Variants in TYR observed in about 807,000 individuals in gnomAD.
The protein encoded by TYR is LB24-AB.
In TYR, 58 loss-of-function variants were observed where a neutral mutation model predicts 51.5. The observed-to-expected ratio is 1.13, with a 90% CI of 0.91 to 1.40. The LOEUF is 1.40. TYR is among the 40% of genes most tolerant of loss of function. The pLI is 0.00. For missense variants in TYR, 732 were observed against 647.4 expected, an observed-to-expected ratio of 1.13 and a Z score of -1.42; for synonymous variants, 263 against 235.2, an observed-to-expected ratio of 1.12 and a Z score of -1.08.
Position 89,230,430 on chromosome 11 carries a change from G to T in TYR, c.1184+2460G>T, listed in dbSNP as rs140959774. Among the ~76,000 whole-genome samples, 1,470 of 152,188 alleles carry T rather than the reference G, an allele frequency of 9.7e-3. 27 individuals are homozygous for T. Among genetic ancestry groups the T allele is most frequent in the Non-Finnish European group, 0.013 (910 of 68,010 alleles). On this transcript the variant is annotated intron_variant, in intron 3 of 4. Coordinates refer to ENST00000263321, the MANE Select transcript of TYR (RefSeq NM_000372.5). ...GGGATTAGAAATTGTGAAACTGCTA[G>T]AAGAAAGCATATGGTAAAAGTTCCA...
At chr11:89,271,698 A>G (rs1944590416) in intron 3 of TYR, among the ~76,000 whole-genome samples, 1 of 151,888 alleles carries the variant, frequency 6.6e-6, no homozygotes, top group African/African-American at 2.4e-5. Flanking sequence ...TTCATGTAGC[A>G]TGTGATGCTG....
intron 2 of TYR, chr11:89,200,178 G>T (rs1943578351): frequency 6.6e-6 from 1 of 152,154 alleles, no homozygotes; most frequent in Admixed American, 6.6e-5. Context: ...CGGGTTCAAA[G>T]GATTCTCAAG....
chr11:89,231,326 G>GTCAC (rs1166964510), intron 3 of TYR, among the ~76,000 whole-genome samples: 16 of 105,878 alleles, frequency 1.5e-4, no homozygotes, highest in African/African-American at 4.8e-4. Flanking sequence ...GTATCGAAAG[G>GTCAC]GAAATATATC....
intron 3 of TYR, among the ~76,000 whole-genome samples, chr11:89,247,177 C>T (rs764557892): frequency 2.6e-5 from 4 of 152,192 alleles, no homozygotes; most frequent in Non-Finnish European, 5.9e-5. Flanking sequence ...TCTTATACCA[C>T]TCTGTGCTTG....
At chr11:89,238,302 T>C (rs145982277) in intron 3 of TYR, among the ~76,000 whole-genome samples, 2 of 152,320 alleles carry the variant, frequency 1.3e-5, no homozygotes, top group East Asian at 3.9e-4. Flanking sequence ...ACTAATGGTA[T>C]ATATTTAGTA....
intron 3 of TYR, among the ~76,000 whole-genome samples, chr11:89,281,978 A>G (rs1012985338): frequency 2.0e-5 from 3 of 151,818 alleles, no homozygotes; most frequent in African/African-American, 7.2e-5. Context: ...GTTAAACATT[A>G]ATATTCCCAT....
intron 3 of TYR, among the ~76,000 whole-genome samples, chr11:89,234,834 A>G (rs1272462405): frequency 6.6e-6 from 1 of 152,142 alleles, no homozygotes; most frequent in Non-Finnish European, 1.5e-5. Flanking sequence ...TACAATAATA[A>G]TTTAAAACTT....
intron 3 of TYR, among the ~76,000 whole-genome samples, chr11:89,228,495 A>G (rs1290055530): frequency 6.6e-6 from 1 of 152,204 alleles, no homozygotes; most frequent in East Asian, 1.9e-4. Flanking sequence ...GGATGGACAC[A>G]CAGAACTGCT....
intron 2 of TYR, among the ~76,000 whole-genome samples, chr11:89,207,754 A>G (rs1395442582): frequency 6.6e-6 from 1 of 152,192 alleles, no homozygotes; most frequent in Non-Finnish European, 1.5e-5. Flanking sequence ...AATTTTATGC[A>G]TTGAAACAAA....
chr11:89,265,991 C>A (rs1354140655), intron 3 of TYR, among the ~76,000 whole-genome samples: 2 of 151,976 alleles, frequency 1.3e-5, no homozygotes, highest in Non-Finnish European at 2.9e-5. Flanking sequence ...TATCTAACTA[C>A]TATTTTGGGG....
At chr11:89,267,239 C>T (rs1365610967) in intron 3 of TYR, among the ~76,000 whole-genome samples, 1 of 151,944 alleles carries the variant, frequency 6.6e-6, no homozygotes, top group Non-Finnish European at 1.5e-5. Flanking sequence ...TGTGCCTGTA[C>T]TACATATGCT....
chr11:89,209,004 A>C (rs899450450), intron 2 of TYR, among the ~76,000 whole-genome samples: 1 of 152,180 alleles, frequency 6.6e-6, no homozygotes, highest in Non-Finnish European at 1.5e-5. Context: ...GCTCTGGTCT[A>C]CATCTCCCAG....
At chr11:89,270,437 T>G (rs1944575023) in intron 3 of TYR, among the ~76,000 whole-genome samples, 1 of 151,906 alleles carries the variant, frequency 6.6e-6, no homozygotes, top group Non-Finnish European at 1.5e-5. Flanking sequence ...TGTACTGTGC[T>G]GAATTATTGA....
At chr11:89,256,002 C>T (rs572016035) in intron 3 of TYR, among the ~76,000 whole-genome samples, 60 of 151,560 alleles carry the variant, frequency 4.0e-4, no homozygotes, top group African/African-American at 1.3e-3. Context: ...TACTTCTGTT[C>T]TCATCTTTGA....
intron 4 of TYR, among the ~76,000 whole-genome samples, 181 bp from the exon 5 acceptor site, chr11:89,294,962 A>T (rs538528635): frequency 2.0e-5 from 3 of 152,260 alleles, no homozygotes; most frequent in African/African-American, 7.2e-5. Context: ...CATTTTTCTG[A>T]TGAAGAAACT....
intron 3 of TYR, among the ~76,000 whole-genome samples, chr11:89,269,502 T>C (rs1944565197): frequency 1.3e-5 from 2 of 151,996 alleles, no homozygotes; most frequent in African/African-American, 4.8e-5. Context: ...CGAAACTGCC[T>C]TTCTTTCTTA....
chr11:89,234,564 T>G (rs1423700820), intron 3 of TYR, among the ~76,000 whole-genome samples: 1 of 142,986 alleles, frequency 7.0e-6, no homozygotes, highest in African/African-American at 2.8e-5. Flanking sequence ...GTGAGAGACA[T>G]GCAACTCTTT....
intron 3 of TYR, among the ~76,000 whole-genome samples, chr11:89,279,276 A>G (rs539941411): frequency 6.6e-6 from 1 of 151,830 alleles, no homozygotes; most frequent in Admixed American, 6.6e-5. Context: ...TATTACTATC[A>G]TCTTCTCCCA....
intron 3 of TYR, among the ~76,000 whole-genome samples, chr11:89,276,489 T>A (rs1180288363): frequency 3.3e-5 from 5 of 151,762 alleles, no homozygotes; most frequent in African/African-American, 1.2e-4. Context: ...TGTTCACTAC[T>A]TTCTCTCTCT....
Sources: gnomAD v4.1 joint callset for allele counts (sites outside exome capture counted in the v4.1 genomes callset) on GRCh38, gnomAD v4.1.1 for gene constraint, MANE v1.5 for transcripts, NCBI Gene and HGNC (gene_info 2026-07-23, HGNC 2026-07-21) for gene names.